The following EIF2AK1 variants were observed in gnomAD, a reference collection of about 807,000 sequenced individuals.
EIF2AK1 encodes eukaryotic translation initiation factor 2 alpha kinase 1, also known as eukaryotic translation initiation factor 2-alpha kinase 1.
Under a neutral mutation model 77.9 loss-of-function variants are expected in EIF2AK1, and 54 were observed. The ratio of observed to expected loss-of-function variants is 0.69; its 90% CI spans 0.56 to 0.87. EIF2AK1 has a LOEUF of 0.87. Ranked by LOEUF, EIF2AK1 falls within the 40% of genes least tolerant of loss-of-function variation. The pLI, the probability that EIF2AK1 is intolerant of heterozygous loss-of-function variation, is 0.00. For synonymous variants in EIF2AK1, 314 were observed against 290.5 expected (o/e 1.08, Z -0.82); for missense variants, 810 against 768.6 (o/e 1.05, Z -0.64).
intron 9 of EIF2AK1, 99 bp from the exon 10 acceptor site, chr7:6,038,770 G>T: frequency 1.0e-6 from 1 of 996,954 alleles, no homozygotes; most frequent in Non-Finnish European, 1.5e-6. Context: ...GGCCAAGAGA[G>T]TAGGCCTCTA....
intron 5 of EIF2AK1, 121 bp downstream of exon 5, chr7:6,046,871 A>C: frequency 1.1e-6 from 1 of 931,442 alleles, no homozygotes; most frequent in Non-Finnish European, 1.6e-6. Flanking sequence ...CGCGCACTCC[A>C]GCCTGGCGAC....
At chr7:6,056,628 A>ATATATGTACG (rs1554324727) in intron 1 of EIF2AK1, among the ~76,000 whole-genome samples, 1 of 75,938 alleles carries the variant, frequency 1.3e-5, no homozygotes, top group African/African-American at 5.5e-5. Context: ...ATATATATAT[A>ATATATGTACG]TATATATAAA....
rs891477855 is a variant in EIF2AK1 at position 6,035,827 on chromosome 7, C to G, written c.1332+1597G>C. 2 of 1,549,312 alleles carry G rather than the reference C, an allele frequency of 1.3e-6. No individual in the cohort carries two copies. The highest frequency in any genetic ancestry group is 2.7e-5 in the African/African-American group (2 of 73,020). ...GCAAACGTCAACTGTGCTGTCTCTT[C>G]CACGGGGAACACGCCCCTGAAGCTT... On this transcript the variant is annotated intron_variant, in intron 11 of 14. Coordinates refer to ENST00000199389, the MANE Select transcript of EIF2AK1 (RefSeq NM_014413.4). The surrounding 1 kb of genome is among the most constrained non-coding windows in gnomAD (Gnocchi z 5.5).
intron 11 of EIF2AK1, among the ~76,000 whole-genome samples, chr7:6,034,917 G>C (rs1291818137): frequency 6.6e-6 from 1 of 152,114 alleles, no homozygotes; most frequent in East Asian, 1.9e-4. Flanking sequence ...AAAAATGTCG[G>C]GTAGGAGAGC....
intron 2 of EIF2AK1, among the ~76,000 whole-genome samples, chr7:6,054,008 T>C (rs1015878492): frequency 2.0e-5 from 3 of 151,770 alleles, no homozygotes; most frequent in Admixed American, 1.3e-4. Flanking sequence ...CAATAAATTA[T>C]TGTTGACTGT....
rs1283740223 is a variant in EIF2AK1 at position 6,023,653 on chromosome 7, C to G, written c.*1020G>C. On this transcript the variant is annotated 3_prime_UTR_variant, in exon 15 of 15. Transcript: ENST00000199389. ...GAGGTGGATGAGGTCTTGTGAAAACCTGGCTCCTTTTAACACGGCCCTCAA... is the reference window on the plus strand; with the variant it reads ...GAGGTGGATGAGGTCTTGTGAAAACGTGGCTCCTTTTAACACGGCCCTCAA... 1 of 1,614,088 alleles carries G rather than the reference C, an allele frequency of 6.2e-7. No individual in the cohort carries two copies. Among genetic ancestry groups the G allele is most frequent in the Admixed American group, 1.7e-5 (1 of 59,988 alleles).
Position 6,041,074 on chromosome 7 carries a change from T to C in EIF2AK1, c.937A>G (p.Ile313Val), listed in dbSNP as rs758957194. ...KSVKYTTNLVIRESGELESTL... is the reference protein window; with the variant it reads ...KSVKYTTNLVVRESGELESTL... The stretch of plus-strand genomic sequence containing the variant: ...GACTCAAGTTCACCAGATTCTCTTA[T>C]GACTAAATTGGTGGTGTACTTCACC... Residue 313 changes from isoleucine (I) to valine (V), a missense_variant, in exon 9 of 15, where the codon ATA (isoleucine) becomes GTA (valine). This residue lies in a region of EIF2AK1 where 549 missense variants were observed against 533.7 expected (regional missense o/e 1.03). Transcript: ENST00000199389. 1.9e-6 allele frequency: 3 copies of C among 1,614,152 alleles called. No homozygotes were observed. The highest frequency in any genetic ancestry group is 1.7e-6 in the Non-Finnish European group (2 of 1,180,010).
intron 11 of EIF2AK1, among the ~76,000 whole-genome samples, chr7:6,034,749 T>C (rs1374229837): frequency 6.6e-6 from 1 of 152,180 alleles, no homozygotes. Context: ...TTCCTTTTGC[T>C]CTGCCAAAAC....
chr7:6,023,338 A>T lies in EIF2AK1; in HGVS notation c.*1335T>A. 6.2e-7 allele frequency: 1 copy of T among 1,609,616 alleles called. No homozygotes were observed. The highest frequency in any genetic ancestry group is 8.5e-7 in the Non-Finnish European group (1 of 1,178,676). ...GCAGATGAAATTCAGCATCCAGACG[A>T]TGTGCCCCATCGAAGGCGAAGGGAA... On this transcript the variant is annotated 3_prime_UTR_variant, in exon 15 of 15. Transcript: ENST00000199389.
At chr7:6,026,322 A>G (rs1787744543) in intron 14 of EIF2AK1, 7 of 398,490 alleles carry the variant, frequency 1.8e-5, no homozygotes, top group East Asian at 1.4e-4. Context: ...GTGAAGGGTC[A>G]GAGTTTGACC....
chr7:6,056,613 A>AAATATATATATATATAT, intron 1 of EIF2AK1, among the ~76,000 whole-genome samples: 64 of 43,712 alleles, frequency 1.5e-3, no homozygotes, highest in Middle Eastern at 0.015. Flanking sequence ...AAAAAAAAAA[A>AAATATATATATATATAT]ATATATATAT....
chr7:6,035,583 TTG>T lies in EIF2AK1; in HGVS notation c.1332+1839_1332+1840del. ...TAGCAGCATCACATGTCTCCGCATC[TTG>T]TGTGCGCACGGAGCTCAAGTGAACA... On this transcript the variant is annotated intron_variant, in intron 11 of 14. Transcript: ENST00000199389. This position sits in a 1 kb window ranked among gnomAD's most constrained non-coding sequence, Gnocchi z 5.5. 1 of 1,551,152 alleles carries T rather than the reference TTG, an allele frequency of 6.4e-7. No individual in the cohort carries two copies. Among genetic ancestry groups the T allele is most frequent in the Non-Finnish European group, 8.7e-7 (1 of 1,147,118 alleles).
Position 6,032,334 on chromosome 7 carries a change from C to T in EIF2AK1, c.1333-3302G>A, listed in dbSNP as rs547225527. ...ATCTTGCAGCCACGGTGTGAAACCA[C>T]TACTTACACGTGTGTATTTTAAGAG... On this transcript the variant is annotated intron_variant, in intron 11 of 14. Transcript: ENST00000199389. This position sits in a 1 kb window ranked among gnomAD's most constrained non-coding sequence, Gnocchi z 4.3. Among the ~76,000 whole-genome samples the T allele has an allele frequency of 6.6e-6, 1 of 152,356 alleles. No homozygotes were observed. The highest frequency in any genetic ancestry group is 1.9e-4 in the East Asian group (1 of 5,190).
intron 2 of EIF2AK1, among the ~76,000 whole-genome samples, chr7:6,051,324 T>C (rs1401102438): frequency 6.7e-6 from 1 of 148,792 alleles, no homozygotes; most frequent in African/African-American, 2.5e-5. Context: ...CAGGCTGGAG[T>C]GCAATGGCAC....
chr7:6,029,994 A>G (rs1787859545), intron 11 of EIF2AK1, among the ~76,000 whole-genome samples: 2 of 152,086 alleles, frequency 1.3e-5, no homozygotes, highest in Non-Finnish European at 1.5e-5. Context: ...AAAAGAAAAG[A>G]AAAGAAACGA....
rs751721752 is a variant in EIF2AK1 at position 6,027,777 on chromosome 7, C to T, written c.1531-816G>A. ...TTAAAGGGAAAGCTCATTTCAAAAT[C>T]GATTTAGGCCAGGCGCAGAGGTTCA... On this transcript the variant is annotated intron_variant, in intron 13 of 14. Transcript: ENST00000199389. The surrounding 1 kb of genome is among the most constrained non-coding windows in gnomAD (Gnocchi z 4.5). 3.9e-5 allele frequency: 9 copies of T among 232,728 alleles called. No homozygotes were observed. The Admixed American group carries it at 4.5e-4, about 12-fold the overall frequency. 14.4% of individuals were successfully genotyped at this position (232,728 alleles called of 1,614,324 possible). A position where few individuals can be genotyped will look rare whatever the true frequency, so the allele number is the denominator to read the frequency against.
intron 1 of EIF2AK1, among the ~76,000 whole-genome samples, 156 bp downstream of exon 1, chr7:6,058,810 G>T (rs1788867756): frequency 6.6e-6 from 1 of 152,110 alleles, no homozygotes; most frequent in Non-Finnish European, 1.5e-5. Context: ...CCCGCCCGCC[G>T]CCCCCCCTCG....
Position 6,040,972 on chromosome 7 carries a change from G to A in EIF2AK1, c.1039C>T (p.Arg347Cys), listed in dbSNP as rs755228462. Residue 347 changes from arginine to cysteine, a missense_variant, in exon 9 of 15, where the codon CGT (arginine) becomes TGT (cysteine). Transcript: ENST00000199389. Reference sequence around the variant, plus strand: ...AAACTCTCCTCTAGGTGGGAATTACGCCTGAGTGGCAGCTGCTGTTCCACA... The same window carrying A: ...AAACTCTCCTCTAGGTGGGAATTACACCTGAGTGGCAGCTGCTGTTCCACA... ...SIVEQQLPLRRNSHLEESFTS... is the reference protein window; with the variant it reads ...SIVEQQLPLRCNSHLEESFTS... 48 of 1,613,984 alleles carry A rather than the reference G, an allele frequency of 3.0e-5. No individual in the cohort carries two copies. The highest frequency in any genetic ancestry group is 3.6e-5 in the Non-Finnish European group (42 of 1,180,012).
chr7:6,042,220 G>C (rs1441068310), intron 8 of EIF2AK1, among the ~76,000 whole-genome samples: 2 of 151,854 alleles, frequency 1.3e-5, no homozygotes, highest in African/African-American at 4.8e-5. Context: ...GGAGGCCAAG[G>C]CAGGCAGATC....
Sources: allele counts gnomAD v4.1 joint callset (sites outside exome capture counted in the v4.1 genomes callset), GRCh38; gene constraint gnomAD v4.1.1; regional missense constraint gnomAD v4.1.1; non-coding constraint Gnocchi (gnomAD v3.1); transcripts MANE v1.5; gene names NCBI Gene and HGNC (gene_info 2026-07-23, HGNC 2026-07-21).